PASD1: variants seen among roughly 807,000 people sequenced by gnomAD.
PASD1 encodes the protein circadian clock protein PASD1.
A neutral mutation model predicts 58.8 loss-of-function variants in PASD1; 13 were observed. The ratio of observed to expected loss-of-function variants is 0.22; its 90% confidence interval spans 0.14 to 0.35. The LOEUF (loss-of-function observed/expected upper bound fraction) is 0.35, where lower values mean the gene tolerates loss of function less well. Ranked by LOEUF, PASD1 falls within the 10% of genes least tolerant of loss-of-function variation. The probability of loss-of-function intolerance (pLI) is 1.00; values close to 1 mark genes in which losing one functional copy is unlikely to be tolerated. For synonymous variants in PASD1, 236 were observed against 216.7 expected (o/e 1.09, Z -0.78); for missense variants, 734 against 568.3 (o/e 1.29, Z -2.96).
chrX:151,576,111 G>GC (rs1218219145), intron 1 of PASD1, among the ~76,000 whole-genome samples: 1 of 107,839 alleles, frequency 9.3e-6, no homozygotes, highest in Non-Finnish European at 1.9e-5. Flanking sequence ...CAAGTGATCT[G>GC]CCCCCCTCGG....
At chrX:151,659,541 G>GCAATA (rs1428505230) in intron 9 of PASD1, among the ~76,000 whole-genome samples, 172 bp from the exon 10 acceptor site, 2 of 111,997 alleles carry the variant, frequency 1.8e-5, no homozygotes, top group African/African-American at 6.5e-5. Flanking sequence ...TTATCTTCCA[G>GCAATA]CAATATTTTT....
chrX:151,648,507 A>G (rs2014089184), intron 8 of PASD1, 108 bp from the exon 9 acceptor site: 1 of 761,181 alleles, frequency 1.3e-6, no homozygotes, highest in African/African-American at 2.1e-5. Context: ...GTAGTAGGGA[A>G]AATAAAACAA....
chrX:151,607,907 G>A (rs12560232), intron 3 of PASD1, among the ~76,000 whole-genome samples: 42,584 of 110,652 alleles, frequency 0.38, 6,192 homozygotes, highest in African/African-American at 0.44. Flanking sequence ...GATTGAGGGT[G>A]GGATGGGGTA....
In PASD1 at chrX:151,664,163, T is replaced by C. The variant is rs2014347058; in HGVS notation, c.886T>C (p.Leu296=). The C allele has an allele frequency of 8.3e-7, 1 of 1,208,625 alleles. No homozygotes were observed. The highest frequency in any genetic ancestry group is 1.1e-6 in the Non-Finnish European group (1 of 894,940). ...TCGAGGTGAGCCTGAGGTGAATCCA[T>C]TGTACAGGGCAGACCCAGTGGACCT... The part of the protein sequence containing the change: ...DFRGEPEVNP[L]YRADPVDLEF... Residue 296 remains leucine (L), a synonymous_variant, in exon 11 of 16, where the codon TTG becomes CTG. Coordinates refer to ENST00000370357, the MANE Select transcript of PASD1 (RefSeq NM_173493.3).
At chrX:151,663,773 A>G (rs993716728) in intron 10 of PASD1, among the ~76,000 whole-genome samples, 3 of 112,098 alleles carry the variant, frequency 2.7e-5, no homozygotes, top group Non-Finnish European at 5.6e-5. Context: ...CCGATTGTGC[A>G]GAAGTGATTT....
At chrX:151,615,890 C>T (rs1036886153) in intron 4 of PASD1, among the ~76,000 whole-genome samples, 1 of 112,199 alleles carries the variant, frequency 8.9e-6, no homozygotes, top group African/African-American at 3.2e-5. Flanking sequence ...GTATAAATAA[C>T]GTGATTGGCT....
intron 9 of PASD1, among the ~76,000 whole-genome samples, chrX:151,657,696 G>A (rs185359800): frequency 0.011 from 1,207 of 110,943 alleles, 8 homozygotes; most frequent in African/African-American, 0.037. Flanking sequence ...CTGTGGGATC[G>A]GTGGTGATAT....
chrX:151,642,505 T>C (rs942196702), intron 8 of PASD1, among the ~76,000 whole-genome samples: 1 of 112,485 alleles, frequency 8.9e-6, no homozygotes, highest in South Asian at 3.7e-4. Context: ...AGTCACAGAA[T>C]GGTTTACCAT....
At chrX:151,647,027 G>A (rs956845651) in intron 8 of PASD1, among the ~76,000 whole-genome samples, 1 of 112,071 alleles carries the variant, frequency 8.9e-6, no homozygotes, top group Non-Finnish European at 1.9e-5. Flanking sequence ...TGGGTGGAAG[G>A]TGGCACTGTT....
At chrX:151,617,958 G>T (rs1391020295) in intron 4 of PASD1, among the ~76,000 whole-genome samples, 2 of 112,054 alleles carry the variant, frequency 1.8e-5, no homozygotes, top group Non-Finnish European at 3.8e-5. Context: ...TGTGTTAGAT[G>T]AGTGAATGAA....
At chrX:151,595,017 T>G (rs1330321185) in intron 1 of PASD1, among the ~76,000 whole-genome samples, 1 of 112,171 alleles carries the variant, frequency 8.9e-6, no homozygotes, top group African/African-American at 3.2e-5. Context: ...GAAAACATTA[T>G]TTTTCCTCCT....
chrX:151,597,976 C>T (rs914962539), intron 1 of PASD1, among the ~76,000 whole-genome samples: 8 of 111,990 alleles, frequency 7.1e-5, no homozygotes, highest in Non-Finnish European at 1.3e-4. Context: ...GTAATCTGCC[C>T]GCCTCGGCCT....
intron 10 of PASD1, among the ~76,000 whole-genome samples, chrX:151,662,885 T>G (rs1465728598): frequency 1.8e-5 from 2 of 112,231 alleles, no homozygotes; most frequent in Non-Finnish European, 3.8e-5. Flanking sequence ...TGCATTTTTT[T>G]TGTCTTTAGC....
At chrX:151,585,140 G>T (rs990981615) in intron 1 of PASD1, among the ~76,000 whole-genome samples, 2 of 111,565 alleles carry the variant, frequency 1.8e-5, no homozygotes, top group African/African-American at 3.3e-5. Context: ...TTTAGTAGGG[G>T]TAATCCAGGA....
intron 11 of PASD1, among the ~76,000 whole-genome samples, chrX:151,668,916 A>ATTTTT (rs5904327): frequency 1.1e-5 from 1 of 93,265 alleles, no homozygotes; most frequent in East Asian, 3.3e-4. Flanking sequence ...AAAAAAAGAG[A>ATTTTT]TTTTTTTTTT....
intron 1 of PASD1, among the ~76,000 whole-genome samples, chrX:151,565,800 C>T (rs1358239510): frequency 9.0e-6 from 1 of 111,353 alleles, no homozygotes; most frequent in Non-Finnish European, 1.9e-5. Flanking sequence ...CCTGGTGATC[C>T]GCCCGCCTTC....
chrX:151,564,263 C>T (rs1433740085), intron 1 of PASD1, among the ~76,000 whole-genome samples: 1 of 112,720 alleles, frequency 8.9e-6, no homozygotes, highest in Non-Finnish European at 1.9e-5. Flanking sequence ...TGGGGCGCGT[C>T]TCCATTACCA....
chrX:151,565,664 TC>T lies in PASD1; in HGVS notation c.-28+1826del, dbSNP rs774538666. On this transcript the variant is annotated intron_variant, in intron 1 of 15. Transcript: ENST00000370357. ...GCTCCACCTGCCAGGTTCACGCCAT[TC>T]TCCTGCCTCAGCCTGCCAAGTAGCT... 2.8e-5 allele frequency among the ~76,000 whole-genome samples: 3 copies of T among 108,433 alleles called. No homozygotes were observed. In the East Asian group the frequency reaches 8.7e-4, roughly 31 times the overall value. The allele number at this position is 108,433 out of a possible 115,157, so 94.2% of individuals were successfully genotyped here.
chrX:151,645,852 GT>G (rs1459153488), intron 8 of PASD1: 1 of 107,215 alleles, frequency 9.3e-6, no homozygotes, highest in Non-Finnish European at 2.0e-5. Context: ...ATTCCCTAAT[GT>G]TTTTATTTAA....
Sources: allele counts gnomAD v4.1 joint callset (sites outside exome capture counted in the v4.1 genomes callset), GRCh38; gene constraint gnomAD v4.1.1; transcripts MANE v1.5; gene names NCBI Gene and HGNC (gene_info 2026-07-23, HGNC 2026-07-21).